YTHDF3: variants seen among roughly 807,000 people sequenced by gnomAD.
The protein encoded by YTHDF3 is YTH N6-methyladenosine RNA binding protein F3.
A neutral mutation model predicts 52.5 loss-of-function variants in YTHDF3; 9 were observed. The ratio of observed to expected loss-of-function variants is 0.17; its 90% CI spans 0.10 to 0.30. The LOEUF is 0.30. Among genes scored for constraint, YTHDF3 ranks in the 10% least tolerant of loss-of-function variants. The pLI is 1.00. For synonymous variants in YTHDF3, 274 were observed against 243.3 expected, an observed-to-expected ratio of 1.13 and a Z score of -1.18; for missense variants, 534 against 715.0, an observed-to-expected ratio of 0.75 and a Z score of 2.89.
At chr8:63,191,149 T>A (rs1808887327) in intron 4 of YTHDF3, among the ~76,000 whole-genome samples, 1 of 152,208 alleles carries the variant, frequency 6.6e-6, no homozygotes, top group Non-Finnish European at 1.5e-5. Context: ...ATAGCTGTTT[T>A]TTTGGTGTGT....
intron 4 of YTHDF3, among the ~76,000 whole-genome samples, chr8:63,191,811 A>G (rs541548052): frequency 7.2e-5 from 11 of 152,166 alleles, no homozygotes; most frequent in Admixed American, 5.9e-4. Context: ...CAATTCATCT[A>G]TGTCGTTGTG....
Position 63,187,457 on chromosome 8 carries a change from T to C in YTHDF3, c.1446T>C (p.Val482=). Residue 482 remains valine (V), a synonymous_variant, in exon 4 of 5, where the codon GTT becomes GTC. Coordinates refer to ENST00000539294, the MANE Select transcript of YTHDF3 (RefSeq NM_152758.6). ...GTGGAGTGGCTGAAATGAAGTCTGT[T>C]GTGGACTATAATGCGTATGCTGGTG... ...HFCGVAEMKS[V]VDYNAYAGVW... 1.2e-6 allele frequency: 2 copies of C among 1,614,018 alleles called. No homozygotes were observed. The highest frequency in any genetic ancestry group is 1.7e-6 in the Non-Finnish European group (2 of 1,179,902).
chr8:63,175,480 C>G (rs1377345811), intron 3 of YTHDF3, 64 bp downstream of exon 3: 1 of 1,257,742 alleles, frequency 8.0e-7, no homozygotes, highest in Non-Finnish European at 1.1e-6. Context: ...GTTGATTTTT[C>G]AAATAGATTA....
intron 2 of YTHDF3, among the ~76,000 whole-genome samples, chr8:63,171,012 G>A (rs528185752): frequency 1.3e-5 from 2 of 152,138 alleles, no homozygotes; most frequent in South Asian, 4.1e-4. Flanking sequence ...GTATTTTTTG[G>A]TTATTTCAAA....
chr8:63,183,528 T>G (rs1370365311), intron 3 of YTHDF3, among the ~76,000 whole-genome samples: 3 of 152,340 alleles, frequency 2.0e-5, no homozygotes, highest in Non-Finnish European at 4.4e-5. Context: ...CCTCAGTCTT[T>G]TCTTTATAGA....
chr8:63,187,337 G>C lies in YTHDF3; in HGVS notation c.1326G>C (p.Glu442Asp), dbSNP rs761069568. ...AATACTCTATCTGGTGTAGTACTGA[G>C]CATGGTAATAAGCGTTTGGATGCAG... ...SIKYSIWCST[E>D]HGNKRLDAAY... Residue 442 changes from glutamate to aspartate, a missense_variant, in exon 4 of 5, where the codon GAG becomes GAC. Around this residue, in one of 3 missense-constraint regions of YTHDF3, gnomAD observed 135 missense variants for 214.2 expected, o/e 0.63. Coordinates refer to ENST00000539294, the MANE Select transcript of YTHDF3 (RefSeq NM_152758.6). 1 of 1,614,076 alleles carries C rather than the reference G, an allele frequency of 6.2e-7. No homozygotes were observed. Among genetic ancestry groups the C allele is most frequent in the East Asian group, 2.2e-5 (1 of 44,894 alleles).
chr8:63,174,264 G>A (rs2129980931), intron 2 of YTHDF3, among the ~76,000 whole-genome samples: 1 of 152,228 alleles, frequency 6.6e-6, no homozygotes, highest in Non-Finnish European at 1.5e-5. Context: ...ATCTTCACTA[G>A]TATAGAATAG....
intron 4 of YTHDF3, among the ~76,000 whole-genome samples, chr8:63,197,652 T>C (rs141907671): frequency 2.0e-5 from 3 of 152,320 alleles, no homozygotes; most frequent in African/African-American, 4.8e-5. Context: ...CAATGTGATA[T>C]GGTAAATTAC....
At chr8:63,182,288 C>T (rs1808195631) in intron 3 of YTHDF3, among the ~76,000 whole-genome samples, 2 of 126,668 alleles carry the variant, frequency 1.6e-5, no homozygotes, top group Admixed American at 1.9e-4. Context: ...GCAGGCTGGT[C>T]TTGAACTCCT....
intron 3 of YTHDF3, among the ~76,000 whole-genome samples, chr8:63,180,856 C>T (rs375718464): frequency 3.3e-5 from 5 of 152,180 alleles, no homozygotes; most frequent in Admixed American, 6.5e-5. Flanking sequence ...CGCCTGCAAT[C>T]GCAGGCACTC....
intron 3 of YTHDF3, among the ~76,000 whole-genome samples, chr8:63,183,220 C>CA (rs1280609173): frequency 6.6e-6 from 1 of 152,192 alleles, no homozygotes; most frequent in African/African-American, 2.4e-5. Flanking sequence ...CTTGGCCTCT[C>CA]AAAGTGCTGG....
rs1337204410 is a variant in YTHDF3 at position 63,210,567 on chromosome 8, T to C, written c.*861T>C. 3 of 152,604 alleles carry C rather than the reference T, an allele frequency of 2.0e-5. No homozygotes were observed. Among genetic ancestry groups the C allele is most frequent in the African/African-American group, 7.2e-5 (3 of 41,462 alleles). 9.5% of individuals were successfully genotyped at this position (152,604 alleles called of 1,614,324 possible). A position where few individuals can be genotyped will look rare whatever the true frequency, so the allele number is the denominator to read the frequency against. On this transcript the variant is annotated 3_prime_UTR_variant, in exon 5 of 5. Transcript: ENST00000539294. The stretch of plus-strand genomic sequence containing the variant: ...TATTTCTGGGTGTTTGCGAGCCTGA[T>C]TGCTATCATGAAGTAAAAATTTATT...
chr8:63,205,870 T>C (rs776670020), intron 4 of YTHDF3, among the ~76,000 whole-genome samples: 3 of 152,180 alleles, frequency 2.0e-5, no homozygotes, highest in African/African-American at 4.8e-5. Flanking sequence ...GTTTTTTTGG[T>C]CTTAAAGCAG....
intron 2 of YTHDF3, among the ~76,000 whole-genome samples, chr8:63,172,302 C>CA: frequency 6.6e-6 from 1 of 152,252 alleles, no homozygotes; most frequent in South Asian, 2.1e-4. Flanking sequence ...GCCATACTTA[C>CA]AGTCTTAGGC....
At chr8:63,203,147 GC>G (rs2150397373) in intron 4 of YTHDF3, among the ~76,000 whole-genome samples, 1 of 151,876 alleles carries the variant, frequency 6.6e-6, no homozygotes, top group South Asian at 2.1e-4. Context: ...GAGGCTTGAG[GC>G]ACGAGAATCG....
intron 4 of YTHDF3, among the ~76,000 whole-genome samples, chr8:63,195,288 C>T (rs934517333): frequency 8.5e-5 from 13 of 152,102 alleles, no homozygotes; most frequent in African/African-American, 2.9e-4. Flanking sequence ...TTAAAAGAAG[C>T]TGTAATTCCG....
chr8:63,199,062 TA>T (rs1809424729), intron 4 of YTHDF3, among the ~76,000 whole-genome samples: 1 of 152,230 alleles, frequency 6.6e-6, no homozygotes, highest in African/African-American at 2.4e-5. Context: ...AGTATTACTC[TA>T]TTCTGAACTT....
Position 63,187,406 on chromosome 8 carries a change from C to T in YTHDF3, c.1395C>T (p.Phe465=). 1 of 1,613,978 alleles carries T rather than the reference C, an allele frequency of 6.2e-7. No individual in the cohort carries two copies. The highest frequency in any genetic ancestry group is 1.1e-5 in the South Asian group (1 of 91,082). The change falls in exon 4 of 5, where the codon TTC becomes TTT. Residue 465 remains phenylalanine, a synonymous_variant. Coordinates refer to ENST00000539294, the MANE Select transcript of YTHDF3 (RefSeq NM_152758.6). ...LNGKGPLYLL[F]SVNGSGHFCG... is the part of the protein sequence containing the mutation. ...GGAAAGGCCCACTCTATTTACTCTT[C>T]AGTGTGAATGGCAGTGGACATTTTT...
In YTHDF3 at chr8:63,187,320, A is replaced by G. The variant is rs753185035; in HGVS notation, c.1309A>G (p.Ile437Val). The stretch of plus-strand genomic sequence containing the variant: ...CATACATCGTTCCATTAAATACTCT[A>G]TCTGGTGTAGTACTGAGCATGGTAA... ...DDIHRSIKYS[I>V]WCSTEHGNKR... The change falls in exon 4 of 5, where the codon ATC becomes GTC. Residue 437 changes from isoleucine (I) to valine (V), a missense_variant. Around this residue, in one of 3 missense-constraint regions of YTHDF3, gnomAD observed 135 missense variants for 214.2 expected, o/e 0.63. Transcript: ENST00000539294. The G allele has an allele frequency of 8.7e-6, 14 of 1,613,924 alleles. No individual in the cohort carries two copies. Among genetic ancestry groups the G allele is most frequent in the Non-Finnish European group, 1.0e-5 (12 of 1,179,916 alleles).
Sources: allele counts gnomAD v4.1 joint callset (sites outside exome capture counted in the v4.1 genomes callset), GRCh38; gene constraint gnomAD v4.1.1; regional missense constraint gnomAD v4.1.1; transcripts MANE v1.5; gene names NCBI Gene and HGNC (gene_info 2026-07-23, HGNC 2026-07-21).